AFG2A: variants seen among roughly 807,000 people sequenced by gnomAD.
AFG2A encodes the protein ATPase family gene 2 protein homolog A.
the AFG2A span, among the ~76,000 whole-genome samples, chr4:123,120,916 C>T: frequency 2.6e-5 from 4 of 152,036 alleles, no homozygotes; most frequent in African/African-American, 9.7e-5. Context: ...TGTAAAACAG[C>T]CTCAGGCAGG....
At chr4:123,157,983 A>G in the AFG2A span, among the ~76,000 whole-genome samples, 2 of 152,144 alleles carry the variant, frequency 1.3e-5, no homozygotes, top group African/African-American at 2.4e-5. Context: ...ATACGCACAT[A>G]TACCACTCTA....
the AFG2A span, among the ~76,000 whole-genome samples, chr4:123,149,970 A>G: frequency 6.6e-6 from 1 of 152,038 alleles, no homozygotes; most frequent in Non-Finnish European, 1.5e-5. Flanking sequence ...GTAGTTCAAC[A>G]TATGCAAATC....
chr4:123,029,740 C>T, the AFG2A span, among the ~76,000 whole-genome samples: 569 of 152,196 alleles, frequency 3.7e-3, 2 homozygotes, highest in African/African-American at 0.013. Context: ...TGGGCTCAAG[C>T]TATTCTTCTG....
At chr4:123,186,748 TG>T in the AFG2A span, among the ~76,000 whole-genome samples, 1 of 152,106 alleles carries the variant, frequency 6.6e-6, no homozygotes, top group Non-Finnish European at 1.5e-5. Context: ...TGAATATATA[TG>T]AGGTTGGTGG....
the AFG2A span, among the ~76,000 whole-genome samples, chr4:123,020,025 C>G: frequency 6.6e-6 from 1 of 152,148 alleles, no homozygotes; most frequent in African/African-American, 2.4e-5. Flanking sequence ...TCCCTGACAA[C>G]GTTGGGCACC....
At chr4:123,271,611 A>T in the AFG2A span, among the ~76,000 whole-genome samples, 1 of 152,146 alleles carries the variant, frequency 6.6e-6, no homozygotes, top group Non-Finnish European at 1.5e-5. Flanking sequence ...GTAGCTTATC[A>T]TGCATGGTTC....
the AFG2A span, among the ~76,000 whole-genome samples, chr4:123,184,027 C>T: frequency 6.6e-6 from 1 of 151,990 alleles, no homozygotes; most frequent in African/African-American, 2.4e-5. Context: ...AACTCCTGGG[C>T]TCAAGTGATC....
chr4:122,939,075 CT>C, the AFG2A span, among the ~76,000 whole-genome samples: 16,628 of 101,686 alleles, frequency 0.16, 5,078 homozygotes, highest in East Asian at 0.4. Flanking sequence ...TATGTTCTTT[CT>C]TTTTTTTTTT....
the AFG2A span, among the ~76,000 whole-genome samples, chr4:123,199,000 TGTGA>T: frequency 6.6e-6 from 1 of 152,180 alleles, no homozygotes; most frequent in Non-Finnish European, 1.5e-5. Context: ...CTGGTGATGC[TGTGA>T]GTGAGTGGTA....
chr4:123,163,173 C>T, the AFG2A span, among the ~76,000 whole-genome samples: 4 of 152,158 alleles, frequency 2.6e-5, no homozygotes, highest in African/African-American at 4.8e-5. Flanking sequence ...CAGTGGCTCA[C>T]GCCTTTAATT....
chr4:122,925,764 A>C, the AFG2A span, among the ~76,000 whole-genome samples: 1 of 152,192 alleles, frequency 6.6e-6, no homozygotes, highest in Non-Finnish European at 1.5e-5. Flanking sequence ...TTTTACAGCT[A>C]TCCACTGATT....
the AFG2A span, among the ~76,000 whole-genome samples, chr4:123,045,987 C>G: frequency 6.6e-6 from 1 of 151,654 alleles, no homozygotes; most frequent in African/African-American, 2.4e-5. Flanking sequence ...TCCCAGCTAC[C>G]TCAGGAAGCT....
At chr4:123,096,196 A>T in the AFG2A span, among the ~76,000 whole-genome samples, 1 of 151,058 alleles carries the variant, frequency 6.6e-6, no homozygotes, top group Non-Finnish European at 1.5e-5. Context: ...TCCTGCTTAG[A>T]TAGTGAAGAG....
At chr4:122,984,035 C>T in the AFG2A span, among the ~76,000 whole-genome samples, 1 of 152,174 alleles carries the variant, frequency 6.6e-6, no homozygotes, top group Non-Finnish European at 1.5e-5. Flanking sequence ...TGAGAAAGAG[C>T]CAGAAAACCA....
chr4:123,190,558 T>G, the AFG2A span, among the ~76,000 whole-genome samples: 1 of 152,176 alleles, frequency 6.6e-6, no homozygotes, highest in Non-Finnish European at 1.5e-5. Context: ...GCCTGAAGGG[T>G]ACCTCTATCT....
chr4:123,017,315 A>G, the AFG2A span, among the ~76,000 whole-genome samples: 2 of 147,824 alleles, frequency 1.4e-5, no homozygotes, highest in Admixed American at 6.7e-5. Context: ...GAGAGAGTCT[A>G]TAGTTGCCTT....
At chr4:123,152,326 A>C in the AFG2A span, among the ~76,000 whole-genome samples, 1 of 152,190 alleles carries the variant, frequency 6.6e-6, no homozygotes, top group South Asian at 2.1e-4. Context: ...ATTAGAAGAC[A>C]AGCTACAGGC....
the AFG2A span, among the ~76,000 whole-genome samples, chr4:123,282,628 G>A: frequency 1.3e-5 from 2 of 152,112 alleles, no homozygotes; most frequent in African/African-American, 2.4e-5. Flanking sequence ...AATACACCCT[G>A]TCTGGATCAG....
At chr4:122,938,300 A>T in the AFG2A span, 2 of 1,412,534 alleles carry the variant, frequency 1.4e-6, no homozygotes, top group South Asian at 3.8e-5. Flanking sequence ...CTTAATACTT[A>T]TGTGTAGTGG....
Sources: allele counts gnomAD v4.1 joint callset (sites outside exome capture counted in the v4.1 genomes callset), GRCh38; gene constraint gnomAD v4.1.1; transcripts MANE v1.5; gene names NCBI Gene and HGNC (gene_info 2026-07-23, HGNC 2026-07-21).